Variants in KCNIP4 observed in about 807,000 individuals in gnomAD.
The protein encoded by KCNIP4 is Kv channel-interacting protein 4.
In KCNIP4, 12 loss-of-function variants were observed where a neutral mutation model predicts 34.0. The observed-to-expected ratio is 0.35, with a 90% CI of 0.23 to 0.57. The LOEUF (loss-of-function observed/expected upper bound fraction) is 0.57. Among genes scored for constraint, KCNIP4 ranks in the 20% least tolerant of loss-of-function variants. KCNIP4 has a pLI of 0.83. For synonymous variants in KCNIP4, 124 were observed against 102.2 expected (o/e 1.21, Z -1.29); for missense variants, 238 against 311.7 (o/e 0.76, Z 1.78).
In KCNIP4 at chr4:21,767,472, C is replaced by T. The variant is rs192087990; in HGVS notation, c.61+181099G>A. ...AGATGGAGTGACAGGTGAGAGAGGT[C>T]GATGGCTAAGAATAGAATGGTAACG... On this transcript the variant is annotated intron_variant, in intron 1 of 8. Coordinates refer to ENST00000382152, the MANE Select transcript of KCNIP4 (RefSeq NM_025221.6). Among the ~76,000 whole-genome samples the T allele has an allele frequency of 3.3e-5, 5 of 151,914 alleles. No homozygotes were observed. In the South Asian group the frequency reaches 6.3e-4, roughly 19 times the overall value.
chr4:21,342,378 GT>G (rs1716845684), intron 1 of KCNIP4, among the ~76,000 whole-genome samples: 1 of 152,068 alleles, frequency 6.6e-6, no homozygotes, highest in Non-Finnish European at 1.5e-5. Flanking sequence ...AAAGTTACTT[GT>G]GACTATTCAA....
intron 1 of KCNIP4, among the ~76,000 whole-genome samples, chr4:21,033,177 T>G (rs948130535): frequency 6.6e-6 from 1 of 152,228 alleles, no homozygotes. Flanking sequence ...TTTTAAATTT[T>G]CTACAAGTAG....
At chr4:21,690,230 G>T (rs771712841) in intron 1 of KCNIP4, among the ~76,000 whole-genome samples, 1 of 151,248 alleles carries the variant, frequency 6.6e-6, no homozygotes, top group Non-Finnish European at 1.5e-5. Flanking sequence ...GTTAAGGGAA[G>T]CTCCTCAGAT....
intron 1 of KCNIP4, among the ~76,000 whole-genome samples, chr4:21,607,497 A>C (rs112719955): frequency 9.2e-5 from 14 of 152,068 alleles, no homozygotes; most frequent in African/African-American, 3.4e-4. Flanking sequence ...CTACACTCCA[A>C]ATTCCCAAAG....
chr4:21,278,734 G>A (rs2109158750), intron 1 of KCNIP4, among the ~76,000 whole-genome samples: 1 of 151,326 alleles, frequency 6.6e-6, no homozygotes, highest in South Asian at 2.1e-4. Flanking sequence ...AAGTGTTAAG[G>A]AGAGATGTCC....
chr4:21,262,361 TGGA>T (rs1761526653), intron 1 of KCNIP4, among the ~76,000 whole-genome samples: 1 of 152,150 alleles, frequency 6.6e-6, no homozygotes, highest in Non-Finnish European at 1.5e-5. Flanking sequence ...GTCTCTTTGT[TGGA>T]GGATGACCTT....
At chr4:20,860,695 G>T (rs1352873529) in intron 2 of KCNIP4, among the ~76,000 whole-genome samples, 2 of 152,140 alleles carry the variant, frequency 1.3e-5, no homozygotes, top group Admixed American at 1.3e-4. Flanking sequence ...TAATGAGGAT[G>T]ATCACTTTCT....
intron 1 of KCNIP4, among the ~76,000 whole-genome samples, chr4:21,555,961 G>A (rs1433267062): frequency 6.6e-6 from 1 of 152,044 alleles, no homozygotes; most frequent in East Asian, 1.9e-4. Context: ...TGTGAAAAAT[G>A]CACACTCGGT....
At chr4:21,682,760 C>G (rs535403774) in intron 1 of KCNIP4, among the ~76,000 whole-genome samples, 1 of 151,956 alleles carries the variant, frequency 6.6e-6, no homozygotes, top group Non-Finnish European at 1.5e-5. Context: ...ATAGGGAGGC[C>G]CAAGGAGAAG....
intron 1 of KCNIP4, among the ~76,000 whole-genome samples, chr4:21,042,785 G>A (rs866529796): frequency 4.6e-5 from 7 of 152,034 alleles, no homozygotes; most frequent in East Asian, 1.9e-4. Flanking sequence ...GTTGTACCCC[G>A]TAAGTATGTA....
At chr4:21,861,883 A>G (rs1725098474) in intron 1 of KCNIP4, among the ~76,000 whole-genome samples, 1 of 152,126 alleles carries the variant, frequency 6.6e-6, no homozygotes, top group Non-Finnish European at 1.5e-5. Context: ...TCTCACTCAG[A>G]GTAAAACCCC....
chr4:21,869,981 C>A (rs765114306), intron 1 of KCNIP4, among the ~76,000 whole-genome samples: 33 of 152,162 alleles, frequency 2.2e-4, no homozygotes, highest in African/African-American at 7.9e-4. Flanking sequence ...AATAAGTGGG[C>A]TTTTTAGTCA....
chr4:21,319,099 G>C (rs1714102439), intron 1 of KCNIP4, among the ~76,000 whole-genome samples: 1 of 152,174 alleles, frequency 6.6e-6, no homozygotes, highest in African/African-American at 2.4e-5. Flanking sequence ...CATTCAACGA[G>C]GCGCGAATTC....
chr4:21,078,826 T>C (rs1429388067), intron 1 of KCNIP4, among the ~76,000 whole-genome samples: 1 of 152,082 alleles, frequency 6.6e-6, no homozygotes, highest in Non-Finnish European at 1.5e-5. Context: ...GTTTCTTCTC[T>C]TGTCCCTGTA....
intron 4 of KCNIP4, among the ~76,000 whole-genome samples, chr4:20,752,064 T>TG (rs1753746847): frequency 7.0e-6 from 1 of 143,608 alleles, no homozygotes; most frequent in South Asian, 2.3e-4. Context: ...AGTTTTTTTT[T>TG]TTTTTTTTTT....
intron 1 of KCNIP4, among the ~76,000 whole-genome samples, chr4:21,393,591 CA>C (rs1269118624): frequency 1.3e-5 from 2 of 152,194 alleles, no homozygotes. Flanking sequence ...CCTTGGTACG[CA>C]AAACAAATTT....
At chr4:20,896,888 G>A (rs1361400365) in intron 1 of KCNIP4, among the ~76,000 whole-genome samples, 2 of 151,280 alleles carry the variant, frequency 1.3e-5, no homozygotes, top group Non-Finnish European at 2.9e-5. Context: ...TCGCCAAAAT[G>A]TAAGACAAGG....
intron 1 of KCNIP4, among the ~76,000 whole-genome samples, chr4:20,892,217 A>T (rs1203348040): frequency 6.6e-6 from 1 of 152,226 alleles, no homozygotes; most frequent in Admixed American, 6.5e-5. Context: ...TAGTTTGTGT[A>T]TCAGTTTAAA....
intron 1 of KCNIP4, among the ~76,000 whole-genome samples, chr4:21,879,298 T>C (rs145996181): frequency 4.6e-5 from 7 of 152,306 alleles, no homozygotes; most frequent in Non-Finnish European, 8.8e-5. Flanking sequence ...CTCAGAGGTA[T>C]CATATTGAAA....
Sources: gnomAD v4.1 joint callset for allele counts (sites outside exome capture counted in the v4.1 genomes callset) on GRCh38, gnomAD v4.1.1 for gene constraint, MANE v1.5 for transcripts, NCBI Gene and HGNC (gene_info 2026-07-23, HGNC 2026-07-21) for gene names.